The following IGF1R variants were observed in gnomAD, a reference collection of about 807,000 sequenced individuals.
IGF1R encodes the protein insulin-like growth factor 1 receptor.
In IGF1R, 44 loss-of-function variants were observed where a neutral mutation model predicts 144.6. That is an observed-to-expected ratio of 0.30 (90% CI 0.24 to 0.39). IGF1R has a LOEUF of 0.39. IGF1R is among the 10% of genes least tolerant of loss of function. The pLI is 1.00. For synonymous variants in IGF1R, 795 were observed against 722.8 expected, an observed-to-expected ratio of 1.10 and a Z score of -1.60; for missense variants, 1,355 against 1,833.7, an observed-to-expected ratio of 0.74 and a Z score of 4.77.
intron 1 of IGF1R, among the ~76,000 whole-genome samples, chr15:98,667,037 C>T (rs1334585117): frequency 2.0e-5 from 3 of 151,600 alleles, no homozygotes; most frequent in East Asian, 1.9e-4. Flanking sequence ...GGGATCACTG[C>T]GGGGGAACTG....
chr15:98,852,457 T>G (rs2011572552), intron 2 of IGF1R, among the ~76,000 whole-genome samples: 1 of 152,230 alleles, frequency 6.6e-6, no homozygotes, highest in South Asian at 2.1e-4. Flanking sequence ...GTTGGGAAAT[T>G]CCACCTTTCC....
rs2017338100 is a variant in IGF1R, at chr15:98,964,225, A to AG, written c.*6784dup. 3 of 232,560 alleles carry AG rather than the reference A, an allele frequency of 1.3e-5. No homozygotes were observed. Among genetic ancestry groups the AG allele is most frequent in the South Asian group, 3.6e-4 (2 of 5,532 alleles). 14.4% of individuals were successfully genotyped at this position (232,560 alleles called of 1,614,324 possible). A position where few individuals can be genotyped will look rare whatever the true frequency, so the allele number is the denominator to read the frequency against. On this transcript the variant is annotated 3_prime_UTR_variant, in exon 21 of 21. Transcript: ENST00000650285. ...TGTTAAAAAAAAATTTTTTTAAGTA[A>AG]GAAAAAAAAAGGTAATAACATGGCC...
intron 2 of IGF1R, among the ~76,000 whole-genome samples, chr15:98,845,183 T>C (rs2011262929): frequency 6.6e-6 from 1 of 152,212 alleles, no homozygotes; most frequent in Admixed American, 6.5e-5. Flanking sequence ...TCTAATACTT[T>C]ATTCAATGTA....
chr15:98,657,670 C>T (rs900495871), intron 1 of IGF1R, among the ~76,000 whole-genome samples: 14 of 152,146 alleles, frequency 9.2e-5, no homozygotes, highest in African/African-American at 3.1e-4. Flanking sequence ...AACATGATAT[C>T]GTGTAGTCGT....
chr15:98,869,400 A>G (rs1200700524), intron 2 of IGF1R, among the ~76,000 whole-genome samples: 1 of 148,596 alleles, frequency 6.7e-6, no homozygotes, highest in Non-Finnish European at 1.5e-5. Flanking sequence ...GAGAAGGAAG[A>G]TTATTCTTCC....
intron 1 of IGF1R, among the ~76,000 whole-genome samples, chr15:98,670,596 T>C (rs45470592): frequency 8.7e-4 from 132 of 152,324 alleles, no homozygotes; most frequent in Middle Eastern, 3.4e-3. Flanking sequence ...TGAGCCTTTT[T>C]GGGGAGGTAG....
chr15:98,933,460 C>T (rs2016021557), intron 15 of IGF1R, among the ~76,000 whole-genome samples: 1 of 152,078 alleles, frequency 6.6e-6, no homozygotes, highest in Non-Finnish European at 1.5e-5. Context: ...TCTCCTGCCT[C>T]AGCCCCCTGA....
At chr15:98,948,770 G>T in intron 20 of IGF1R, 62 bp downstream of exon 20, 1 of 1,575,052 alleles carries the variant, frequency 6.3e-7, no homozygotes, top group South Asian at 1.1e-5. Flanking sequence ...CTGTTTTCTT[G>T]GGTCACAGGA....
chr15:98,845,277 G>C lies in IGF1R; in HGVS notation c.641-46048G>C, dbSNP rs75040578. Among the ~76,000 whole-genome samples the C allele has an allele frequency of 2.5e-3, 385 of 152,288 alleles. 1 individual carries two copies. The highest frequency in any genetic ancestry group is 9.1e-3 in the African/African-American group (377 of 41,562). ...TTTCATTTACCCTGGATCAGATAGG[G>C]CATGATAACCTTTGAGGGGCTTTGT... is the stretch of plus-strand genomic sequence containing the variant. On this transcript the variant is annotated intron_variant, in intron 2 of 20. Transcript: ENST00000650285.
intron 2 of IGF1R, among the ~76,000 whole-genome samples, chr15:98,856,950 A>G (rs1038744370): frequency 4.6e-5 from 7 of 152,290 alleles, no homozygotes; most frequent in African/African-American, 1.7e-4. Flanking sequence ...AGGTCTTTCC[A>G]TCTAAAAATA....
chr15:98,862,914 C>T (rs1471956133), intron 2 of IGF1R, among the ~76,000 whole-genome samples: 3 of 152,138 alleles, frequency 2.0e-5, no homozygotes, highest in Non-Finnish European at 2.9e-5. Context: ...CTTACATAAC[C>T]GTAATACGGT....
chr15:98,930,572 A>T (rs1429918741), intron 15 of IGF1R, among the ~76,000 whole-genome samples: 1 of 152,214 alleles, frequency 6.6e-6, no homozygotes, highest in Non-Finnish European at 1.5e-5. Flanking sequence ...CAGCGCAGTA[A>T]TCAATTTATT....
At position 98,891,264 on chromosome 15, in the gene IGF1R, C is replaced by A. The variant is rs2013895314; in HGVS notation, c.641-61C>A. On this transcript the variant is annotated intron_variant, in intron 2 of 20. Coordinates refer to ENST00000650285, the MANE Select transcript of IGF1R (RefSeq NM_000875.5). The surrounding 1 kb of genome is among the most constrained non-coding windows in gnomAD (Gnocchi z 4.7). ...ATGACCCAGAAGGATGCTGGCCAGG[C>A]CCAGAGAAGGCGGTGCCTCCCCTGC... The A allele has an allele frequency of 2.0e-6, 3 of 1,509,768 alleles. No individual in the cohort carries two copies. In the African/African-American group the frequency reaches 4.1e-5, roughly 21 times the overall value. The allele number at this position is 1,509,768 out of a possible 1,614,324, so 93.5% of individuals were successfully genotyped here.
At chr15:98,859,705 C>T (rs1290315016) in intron 2 of IGF1R, among the ~76,000 whole-genome samples, 2 of 152,214 alleles carry the variant, frequency 1.3e-5, no homozygotes, top group Non-Finnish European at 2.9e-5. Context: ...CAAACACACA[C>T]ATTCTTAAAT....
intron 2 of IGF1R, among the ~76,000 whole-genome samples, chr15:98,886,528 T>C (rs2013649797): frequency 6.6e-6 from 1 of 152,186 alleles, no homozygotes; most frequent in Admixed American, 6.5e-5. Flanking sequence ...TATAGCAGCT[T>C]CTATTTTCCT....
At chr15:98,779,247 T>C (rs2055795592) in intron 2 of IGF1R, among the ~76,000 whole-genome samples, 1 of 152,214 alleles carries the variant, frequency 6.6e-6, no homozygotes, top group Non-Finnish European at 1.5e-5. Flanking sequence ...CCAGCACAAG[T>C]GACTGTGTAG....
At chr15:98,846,446 T>G (rs1234970106) in intron 2 of IGF1R, among the ~76,000 whole-genome samples, 2 of 152,222 alleles carry the variant, frequency 1.3e-5, no homozygotes, top group African/African-American at 2.4e-5. Context: ...AGGTCTTTAC[T>G]TTGGGGCCTG....
chr15:98,707,659 C>T lies in IGF1R; in HGVS notation c.192C>T (p.Ile64=), dbSNP rs752516716. The change falls in exon 2 of 21, where the codon ATC becomes ATT. Residue 64 remains isoleucine (I), a synonymous_variant. Coordinates refer to ENST00000650285, the MANE Select transcript of IGF1R (RefSeq NM_000875.5). The surrounding 1 kb of genome is among the most constrained non-coding windows in gnomAD (Gnocchi z 6.7). The part of the protein sequence containing the change: ...VIEGYLHILL[I]SKAEDYRSYR... The stretch of plus-strand genomic sequence containing the variant: ...AGGGCTACCTCCACATCCTGCTCAT[C>T]TCCAAGGCCGAGGACTACCGCAGCT... 1.2e-6 allele frequency: 2 copies of T among 1,614,180 alleles called. No homozygotes were observed. The highest frequency in any genetic ancestry group is 4.5e-5 in the East Asian group (2 of 44,882).
At chr15:98,948,129 T>C (rs2016626124) in intron 19 of IGF1R, among the ~76,000 whole-genome samples, 1 of 152,154 alleles carries the variant, frequency 6.6e-6, no homozygotes, top group Admixed American at 6.5e-5. Flanking sequence ...AGCTTGACTG[T>C]CCCAGGCCTC....
Sources: allele counts gnomAD v4.1 joint callset (sites outside exome capture counted in the v4.1 genomes callset), GRCh38; gene constraint gnomAD v4.1.1; non-coding constraint Gnocchi (gnomAD v3.1); transcripts MANE v1.5; gene names NCBI Gene and HGNC (gene_info 2026-07-23, HGNC 2026-07-21).